GPHN: variants seen among roughly 807,000 people sequenced by gnomAD.
GPHN encodes the protein gephyrin.
A neutral mutation model predicts 95.5 loss-of-function variants in GPHN; 17 were observed. The observed-to-expected ratio is 0.18, with a 90% CI of 0.12 to 0.27. GPHN has a LOEUF of 0.27. GPHN is among the 10% of genes least tolerant of loss of function. The probability of loss-of-function intolerance (pLI) is 1.00; values close to 1 mark genes in which losing one functional copy is unlikely to be tolerated. For synonymous variants in GPHN, 320 were observed against 322.5 expected, an observed-to-expected ratio of 0.99 and a Z score of 0.08; for missense variants, 660 against 978.1, an observed-to-expected ratio of 0.67 and a Z score of 4.34.
At chr14:67,695,768 T>C in the GPHN span, 1 of 1,473,850 alleles carries the variant, frequency 6.8e-7, no homozygotes, top group Non-Finnish European at 9.4e-7. Flanking sequence ...ATGGCTTCTC[T>C]TTCTAGACAC....
the GPHN span, among the ~76,000 whole-genome samples, chr14:67,341,765 T>C: frequency 3.3e-5 from 5 of 152,230 alleles, no homozygotes; most frequent in Non-Finnish European, 7.3e-5. Flanking sequence ...GGGGAAAAGA[T>C]AGAGAAATCG....
At chr14:66,919,398 A>G (rs1016218964) in intron 6 of GPHN, among the ~76,000 whole-genome samples, 4 of 152,228 alleles carry the variant, frequency 2.6e-5, no homozygotes, top group Admixed American at 6.5e-5. Flanking sequence ...AAAGAAGTAG[A>G]GAATACAGCA....
chr14:67,480,838 C>G, the GPHN span, among the ~76,000 whole-genome samples: 1 of 152,188 alleles, frequency 6.6e-6, no homozygotes. Flanking sequence ...TGGGATGGCC[C>G]AGACCGGTTT....
In GPHN at chr14:66,641,986, A is replaced by G. The variant is rs532326906; in HGVS notation, c.65-39121A>G. On this transcript the variant is annotated intron_variant, in intron 1 of 22. Coordinates refer to ENST00000478722, the MANE Select transcript of GPHN (RefSeq NM_020806.5). ...AGTGTAAGAGAGAGTACCAATTGTCATCATTTTCTGTAACACAATACTAGA... is the reference window on the plus strand; with the variant it reads ...AGTGTAAGAGAGAGTACCAATTGTCGTCATTTTCTGTAACACAATACTAGA... 3.0e-4 allele frequency among the ~76,000 whole-genome samples: 46 copies of G among 152,292 alleles called. 2 individuals are homozygous for G. In the South Asian group the frequency reaches 9.3e-3, roughly 31 times the overall value.
intron 8 of GPHN, among the ~76,000 whole-genome samples, chr14:66,934,419 G>C (rs574935796): frequency 6.6e-6 from 1 of 152,238 alleles, no homozygotes; most frequent in South Asian, 2.1e-4. Context: ...TCCTAGCACT[G>C]TACCACATTT....
chr14:66,872,322 T>C (rs2063474166), intron 4 of GPHN, among the ~76,000 whole-genome samples: 1 of 152,190 alleles, frequency 6.6e-6, no homozygotes, highest in East Asian at 1.9e-4. Flanking sequence ...TTATTTACTG[T>C]AATACTTCAT....
chr14:67,024,988 C>G (rs1312756021), intron 10 of GPHN, among the ~76,000 whole-genome samples: 3 of 152,036 alleles, frequency 2.0e-5, no homozygotes, highest in Non-Finnish European at 4.4e-5. Context: ...GGCGCAGTGG[C>G]TCACACCTCA....
At chr14:67,179,507 C>CTAGGGGTTGTG (rs2083208460) in intron 21 of GPHN, 71 bp from the exon 22 acceptor site, 20 of 858,358 alleles carry the variant, frequency 2.3e-5, no homozygotes, top group Middle Eastern at 5.4e-4. Flanking sequence ...TTTGCACAAC[C>CTAGGGGTTGTG]CCTACTATCT....
At chr14:66,848,901 A>G (rs1274490273) in intron 4 of GPHN, among the ~76,000 whole-genome samples, 1 of 151,934 alleles carries the variant, frequency 6.6e-6, no homozygotes, top group Non-Finnish European at 1.5e-5. Flanking sequence ...GGAGCACACC[A>G]TATATACTGG....
chr14:67,565,429 G>C, the GPHN span, among the ~76,000 whole-genome samples: 3 of 152,012 alleles, frequency 2.0e-5, no homozygotes, highest in Non-Finnish European at 4.4e-5. Context: ...ATTTTTTGTA[G>C]GGATGGAGTA....
chr14:66,555,052 T>C (rs2140215981), intron 1 of GPHN, among the ~76,000 whole-genome samples: 1 of 152,220 alleles, frequency 6.6e-6, no homozygotes, highest in Non-Finnish European at 1.5e-5. Flanking sequence ...TTCAGAATAT[T>C]GGAACTAAAG....
intron 10 of GPHN, among the ~76,000 whole-genome samples, chr14:67,029,409 C>A (rs2074080075): frequency 6.6e-6 from 1 of 151,304 alleles, no homozygotes; most frequent in South Asian, 2.1e-4. Context: ...ACAGTCTTGG[C>A]TCACTGCAAC....
chr14:67,370,427 T>C, the GPHN span, among the ~76,000 whole-genome samples: 1 of 152,192 alleles, frequency 6.6e-6, no homozygotes, highest in Non-Finnish European at 1.5e-5. Context: ...TAAAAACTTG[T>C]TTTTTGTTTT....
At chr14:67,489,602 C>T in the GPHN span, among the ~76,000 whole-genome samples, 2 of 152,298 alleles carry the variant, frequency 1.3e-5, no homozygotes, top group African/African-American at 2.4e-5. Context: ...CACTCCTTTG[C>T]GATGCCGTCC....
At chr14:67,226,065 C>G in the GPHN span, among the ~76,000 whole-genome samples, 75 of 152,298 alleles carry the variant, frequency 4.9e-4, no homozygotes, top group African/African-American at 1.6e-3. Context: ...GCAGTAACCC[C>G]TTGCCCATCT....
At chr14:67,375,916 G>A in the GPHN span, among the ~76,000 whole-genome samples, 1 of 152,150 alleles carries the variant, frequency 6.6e-6, no homozygotes, top group Non-Finnish European at 1.5e-5. Context: ...AAATGGAAGA[G>A]TTATTCAGTG....
chr14:67,341,948 G>A, the GPHN span, among the ~76,000 whole-genome samples: 1 of 151,806 alleles, frequency 6.6e-6, no homozygotes. Flanking sequence ...ATTAAGGGCG[G>A]TGCAAGATGT....
chr14:66,794,237 C>G (rs2060079632), intron 3 of GPHN, among the ~76,000 whole-genome samples: 1 of 152,114 alleles, frequency 6.6e-6, no homozygotes, highest in Admixed American at 6.6e-5. Flanking sequence ...TGGTGCTGTT[C>G]TTGTGATATT....
At chr14:66,954,302 C>A (rs1363557252) in intron 8 of GPHN, among the ~76,000 whole-genome samples, 1 of 152,096 alleles carries the variant, frequency 6.6e-6, no homozygotes, top group Non-Finnish European at 1.5e-5. Context: ...CCTTTAATTT[C>A]TTTCAGCAAT....
Sources: gnomAD v4.1 joint callset for allele counts (sites outside exome capture counted in the v4.1 genomes callset) on GRCh38, gnomAD v4.1.1 for gene constraint, MANE v1.5 for transcripts, NCBI Gene and HGNC (gene_info 2026-07-23, HGNC 2026-07-21) for gene names.